ABCA9: variants seen among roughly 807,000 people sequenced by gnomAD.
ABCA9 encodes ATP binding cassette subfamily A member 9.
A neutral mutation model predicts 205.3 loss-of-function variants in ABCA9; 183 were observed. That is an observed-to-expected ratio of 0.89 (90% CI 0.79 to 1.01). ABCA9 has a LOEUF of 1.01. Ranked by LOEUF, ABCA9 falls within the 50% of genes least tolerant of loss-of-function variation. The probability of loss-of-function intolerance (pLI) is 0.00; values close to 1 mark genes in which losing one functional copy is unlikely to be tolerated. For synonymous variants in ABCA9, 651 were observed against 683.3 expected (o/e 0.95, Z 0.74); for missense variants, 1,805 against 1,912.4 (o/e 0.94, Z 1.05).
chr17:69,026,332 C>T (rs2070982933), intron 16 of ABCA9, 45 bp downstream of exon 16: 1 of 1,498,276 alleles, frequency 6.7e-7, no homozygotes, highest in African/African-American at 1.4e-5. Flanking sequence ...CTGCCTCCAG[C>T]ATTTTCAGCA....
At chr17:68,981,972 A>C (rs2069069511) in intron 37 of ABCA9, among the ~76,000 whole-genome samples, 1 of 152,062 alleles carries the variant, frequency 6.6e-6, no homozygotes, top group East Asian at 1.9e-4. Flanking sequence ...CACTAACATG[A>C]CAGGGAAAAA....
At chr17:69,050,325 C>A (rs1216133971) in intron 2 of ABCA9, among the ~76,000 whole-genome samples, 2 of 99,208 alleles carry the variant, frequency 2.0e-5, no homozygotes, top group East Asian at 7.5e-4. Context: ...GTTGCATGAA[C>A]ACACACACAC....
intron 22 of ABCA9, 95 bp from the exon 23 acceptor site, chr17:69,012,178 T>C (rs1001978692): frequency 1.1e-5 from 9 of 833,650 alleles, no homozygotes; most frequent in Non-Finnish European, 1.7e-5. Flanking sequence ...TGAATTGAGC[T>C]GATCACTCAA....
chr17:68,998,163 C>T (rs1306852433), intron 25 of ABCA9, among the ~76,000 whole-genome samples: 3 of 152,202 alleles, frequency 2.0e-5, no homozygotes, highest in Non-Finnish European at 4.4e-5. Context: ...GGATGTAACA[C>T]AGTTTGTCTA....
At position 69,026,429 on chromosome 17, in the gene ABCA9, C is replaced by T; in HGVS notation, c.2089G>A (p.Ala697Thr). The change falls in exon 16 of 39, where the codon GCA (alanine) becomes ACA (threonine). Residue 697 changes from alanine to threonine, a missense_variant. Physicochemically the swap from Ala to Thr is moderately conservative, Grantham distance 58 (BLOSUM62 0). Coordinates refer to ENST00000340001, the MANE Select transcript of ABCA9 (RefSeq NM_080283.4). ...TTCTTAAGGAACAGAGAAGAGCCTG[C>T]ACACTTCAGCTTCCCATTGGATATG... Reference protein sequence around the residue: ...VFISNGKLKCAGSSLFLKKKW... With the variant: ...VFISNGKLKCTGSSLFLKKKW... 6.2e-7 allele frequency: 1 copy of T among 1,613,878 alleles called. No individual in the cohort carries two copies. Among genetic ancestry groups the T allele is most frequent in the Non-Finnish European group, 8.5e-7 (1 of 1,179,820 alleles).
chr17:69,035,466 T>C, intron 7 of ABCA9, 35 bp from the exon 8 acceptor site: 1 of 1,516,222 alleles, frequency 6.6e-7, no homozygotes, highest in Non-Finnish European at 8.8e-7. Context: ...TGGTATATAA[T>C]TCTGTGAGAA....
chr17:68,983,720 A>C lies in ABCA9; in HGVS notation c.4629T>G (p.Ala1543=). The C allele has an allele frequency of 6.2e-7, 1 of 1,614,190 alleles. No individual in the cohort carries two copies. Among genetic ancestry groups the C allele is most frequent in the Non-Finnish European group, 8.5e-7 (1 of 1,180,018 alleles). Residue 1543 remains alanine, a synonymous_variant, in exon 36 of 39, where the codon GCT becomes GCG. Transcript: ENST00000340001. ...ACACCTGTGTCTACCTTTCCTGCTG[A>C]GCAGCCTGGGGGAAAAGCCTCAGGA... ...AEILRLFPQA[A]QQERFSSLMV...
rs1158788312 is a variant in ABCA9 at position 69,023,440 on chromosome 17, G to A, written c.2281+774C>T. 1.3e-5 allele frequency among the ~76,000 whole-genome samples: 2 copies of A among 152,156 alleles called. No homozygotes were observed. Among genetic ancestry groups the A allele is most frequent in the Non-Finnish European group, 2.9e-5 (2 of 68,026 alleles). Reference sequence around the variant, plus strand: ...TATAGAGCTAATAATAGCATAGCTGGTGTTTGAATCTAGACTGGCTCTAGC... The same window carrying A: ...TATAGAGCTAATAATAGCATAGCTGATGTTTGAATCTAGACTGGCTCTAGC... On this transcript the variant is annotated intron_variant, in intron 17 of 38. Coordinates refer to ENST00000340001, the MANE Select transcript of ABCA9 (RefSeq NM_080283.4). This position sits in a 1 kb window ranked among gnomAD's most constrained non-coding sequence, Gnocchi z 4.2.
chr17:69,052,726 GATCCCACA>G (rs1217097265), intron 1 of ABCA9, among the ~76,000 whole-genome samples: 5 of 152,222 alleles, frequency 3.3e-5, no homozygotes, highest in Admixed American at 6.5e-5. Flanking sequence ...AGTTACAGCA[GATCCCACA>G]GATTAAGGAC....
chr17:69,013,542 G>T (rs548602834), intron 22 of ABCA9, among the ~76,000 whole-genome samples: 19 of 152,178 alleles, frequency 1.2e-4, no homozygotes, highest in African/African-American at 4.6e-4. Context: ...ACCTCTGGGG[G>T]AGGAAAAAAT....
At position 69,008,169 on chromosome 17, in the gene ABCA9, G is replaced by A. The variant is rs143208550; in HGVS notation, c.3214C>T (p.Leu1072=). ...AAAAAGTACAGGGAAACATCCACCAGTGCTTGGCCAAACCAGTATGCAGAA... is the reference window on the plus strand; with the variant it reads ...AAAAAGTACAGGGAAACATCCACCAATGCTTGGCCAAACCAGTATGCAGAA... ...YPSAYWFGQA[L]VDVSLYFLIL... Residue 1072 remains leucine (L), a synonymous_variant, in exon 24 of 39, where the codon CTG becomes TTG. Coordinates refer to ENST00000340001, the MANE Select transcript of ABCA9 (RefSeq NM_080283.4). 4,196 of 1,614,008 alleles carry A rather than the reference G, an allele frequency of 2.6e-3. 5 individuals carry two copies. The highest frequency in any genetic ancestry group is 3.3e-3 in the Non-Finnish European group (3,902 of 1,179,898).
At chr17:69,050,723 G>A (rs905126147) in intron 2 of ABCA9, among the ~76,000 whole-genome samples, 10 of 152,058 alleles carry the variant, frequency 6.6e-5, no homozygotes, top group Non-Finnish European at 1.3e-4. Flanking sequence ...AGATTCAAAT[G>A]AGCTCAGCGG....
intron 2 of ABCA9, 113 bp downstream of exon 2, chr17:69,050,918 A>T: frequency 2.3e-6 from 2 of 851,100 alleles, no homozygotes; most frequent in Non-Finnish European, 3.2e-6. Flanking sequence ...CTAGCTTGTT[A>T]ATTAGACTAC....
At chr17:68,998,287 C>CTTTTAAACGT (rs1284871501) in intron 25 of ABCA9, among the ~76,000 whole-genome samples, 1 of 152,162 alleles carries the variant, frequency 6.6e-6, no homozygotes, top group Non-Finnish European at 1.5e-5. Flanking sequence ...TTCAGTAGGG[C>CTTTTAAACGT]TTTTAAAACG....
At chr17:68,990,787 T>G (rs2069424738) in intron 29 of ABCA9, 50 bp downstream of exon 29, 1 of 1,595,378 alleles carries the variant, frequency 6.3e-7, no homozygotes, top group Non-Finnish European at 8.5e-7. Context: ...GTTTCTCACT[T>G]TATCTGTCAG....
chr17:69,012,070 T>A lies in ABCA9; in HGVS notation c.3053A>T (p.Tyr1018Phe). ...RSTFFEEHMD[Y>F]EYGYRSNTFF... is the part of the protein sequence containing the mutation. The stretch of plus-strand genomic sequence containing the variant: ...GGTGTTACTTCGGTACCCATACTCA[T>A]AATCCATATGCTCCTGAAATCATGT... Residue 1018 changes from tyrosine to phenylalanine, a missense_variant, in exon 23 of 39, where the codon TAT becomes TTT. By Grantham distance (22) the Tyr-to-Phe change is conservative. Transcript: ENST00000340001. 4 of 1,611,636 alleles carry A rather than the reference T, an allele frequency of 2.5e-6. No individual in the cohort carries two copies. Among genetic ancestry groups the A allele is most frequent in the African/African-American group, 1.3e-5 (1 of 74,900 alleles).
rs1227835037 is a variant in ABCA9, at chr17:69,060,870, A to C, written c.-18T>G. ...CAATTTTAGAGGTTAACTTACTCTC[A>C]GGAAAGCTGGAGGAAAAATCTAGAA... On this transcript the variant is annotated 5_prime_UTR_variant, in exon 1 of 39. The change abolishes the stop of an existing upstream ORF in the 5' untranslated region. Coordinates refer to ENST00000340001, the MANE Select transcript of ABCA9 (RefSeq NM_080283.4). 4.1e-6 allele frequency: 4 copies of C among 985,340 alleles called. No homozygotes were observed. The Admixed American group carries it at 2.5e-4, about 61-fold the overall frequency. The allele number at this position is 985,340 out of a possible 1,614,324, so 61.0% of individuals were successfully genotyped here.
intron 1 of ABCA9, among the ~76,000 whole-genome samples, chr17:69,058,774 G>T (rs1424997212): frequency 6.6e-6 from 1 of 152,010 alleles, no homozygotes; most frequent in Non-Finnish European, 1.5e-5. Flanking sequence ...GGGAGGCAGA[G>T]GTTGCAGTGA....
chr17:68,976,063 C>A, intron 38 of ABCA9, 50 bp from the exon 39 acceptor site: 1 of 1,605,328 alleles, frequency 6.2e-7, no homozygotes, highest in Non-Finnish European at 8.5e-7. Context: ...CATACTGCCT[C>A]CTGCAGCTCC....
Sources: allele counts gnomAD v4.1 joint callset (sites outside exome capture counted in the v4.1 genomes callset), GRCh38; gene constraint gnomAD v4.1.1; non-coding constraint Gnocchi (gnomAD v3.1); transcripts MANE v1.5; gene names NCBI Gene and HGNC (gene_info 2026-07-23, HGNC 2026-07-21).